The following CFAP299 variants were observed in gnomAD, a reference collection of about 807,000 sequenced individuals.
CFAP299 encodes the protein cilia and flagella associated protein 299.
Under a neutral mutation model 27.0 loss-of-function variants are expected in CFAP299, and 21 were observed. That is an observed-to-expected ratio of 0.78 (90% CI 0.55 to 1.12). The LOEUF (loss-of-function observed/expected upper bound fraction) is 1.12. Ranked by LOEUF, CFAP299 falls within the 50% of genes most tolerant of loss-of-function variation. The pLI is 0.00. For synonymous variants in CFAP299, 104 were observed against 98.1 expected (o/e 1.06, Z -0.36); for missense variants, 310 against 276.6 (o/e 1.12, Z -0.86).
chr4:80,919,591 G>A (rs1578238540), intron 4 of CFAP299, among the ~76,000 whole-genome samples: 1 of 152,112 alleles, frequency 6.6e-6, no homozygotes, highest in East Asian at 1.9e-4. Flanking sequence ...GTTTTCTTTT[G>A]AGTCCATGAC....
intron 3 of CFAP299, among the ~76,000 whole-genome samples, chr4:80,614,427 A>G (rs1166835106): frequency 6.6e-6 from 1 of 152,150 alleles, no homozygotes; most frequent in African/African-American, 2.4e-5. Flanking sequence ...AGGCACTTCT[A>G]TTGAAAAGGA....
chr4:80,781,304 TCA>T (rs941732653), intron 3 of CFAP299, among the ~76,000 whole-genome samples: 7 of 152,012 alleles, frequency 4.6e-5, no homozygotes, highest in Non-Finnish European at 7.4e-5. Flanking sequence ...GTTATAATAA[TCA>T]GTCACAATTT....
intron 2 of CFAP299, among the ~76,000 whole-genome samples, chr4:80,448,118 C>T (rs956151279): frequency 4.6e-5 from 7 of 152,202 alleles, no homozygotes; most frequent in Non-Finnish European, 7.3e-5. Context: ...CACTTCGTGG[C>T]AATATTGCAG....
intron 3 of CFAP299, among the ~76,000 whole-genome samples, chr4:80,693,457 A>T (rs1720876293): frequency 6.6e-6 from 1 of 150,710 alleles, no homozygotes; most frequent in Admixed American, 6.6e-5. Context: ...ACAAAAAACC[A>T]AACACCGCAT....
chr4:80,889,449 AG>A (rs919633339), intron 4 of CFAP299, among the ~76,000 whole-genome samples: 1 of 152,076 alleles, frequency 6.6e-6, no homozygotes, highest in African/African-American at 2.4e-5. Context: ...AAACCTCAAT[AG>A]ACCGATAATA....
chr4:80,738,506 GT>G (rs1035502469), intron 3 of CFAP299, among the ~76,000 whole-genome samples: 6 of 151,912 alleles, frequency 3.9e-5, no homozygotes, highest in Admixed American at 2.6e-4. Flanking sequence ...TCCTCTTATA[GT>G]TTTTTTCTTG....
intron 4 of CFAP299, among the ~76,000 whole-genome samples, chr4:80,913,203 C>G (rs1473487840): frequency 2.0e-5 from 3 of 152,054 alleles, no homozygotes; most frequent in Non-Finnish European, 4.4e-5. Flanking sequence ...TAGTATTTGA[C>G]AGTGAGTGAG....
At chr4:80,700,772 A>T (rs1348145961) in intron 3 of CFAP299, among the ~76,000 whole-genome samples, 1 of 152,116 alleles carries the variant, frequency 6.6e-6, no homozygotes, top group Non-Finnish European at 1.5e-5. Context: ...ATTACTTAAA[A>T]ATAATTTTTA....
intron 2 of CFAP299, chr4:80,386,579 T>A: frequency 6.3e-7 from 1 of 1,597,880 alleles, no homozygotes. Flanking sequence ...ACAGCGGTGA[T>A]CTTTGAGGTA....
intron 4 of CFAP299, among the ~76,000 whole-genome samples, chr4:80,938,027 T>C (rs1232876519): frequency 6.6e-6 from 1 of 152,212 alleles, no homozygotes; most frequent in African/African-American, 2.4e-5. Flanking sequence ...CTTCTCCCTC[T>C]ATTTTATGTA....
intron 3 of CFAP299, among the ~76,000 whole-genome samples, chr4:80,731,130 A>G (rs1723496803): frequency 2.0e-5 from 3 of 152,214 alleles, no homozygotes; most frequent in African/African-American, 7.2e-5. Flanking sequence ...CCTACTTTCC[A>G]TTTTGGAAAA....
intron 3 of CFAP299, among the ~76,000 whole-genome samples, chr4:80,761,919 C>G (rs1341138582): frequency 6.6e-6 from 1 of 151,780 alleles, no homozygotes; most frequent in Non-Finnish European, 1.5e-5. Flanking sequence ...AACACCAAAT[C>G]AATATAATTT....
chr4:80,341,039 G>C (rs1247795190), intron 1 of CFAP299, among the ~76,000 whole-genome samples: 1 of 152,172 alleles, frequency 6.6e-6, no homozygotes, highest in Non-Finnish European at 1.5e-5. Flanking sequence ...GCCTCCCAAA[G>C]TGCCAGGATT....
At chr4:80,436,285 A>C (rs1288537755) in intron 2 of CFAP299, among the ~76,000 whole-genome samples, 1 of 152,016 alleles carries the variant, frequency 6.6e-6, no homozygotes, top group African/African-American at 2.4e-5. Context: ...ATGGGTACAA[A>C]ATGTGGGATA....
chr4:80,331,768 G>A (rs920922665), upstream of CFAP299, among the ~76,000 whole-genome samples: 1 of 152,200 alleles, frequency 6.6e-6, no homozygotes, highest in Non-Finnish European at 1.5e-5. Flanking sequence ...CTGCTAGGCA[G>A]TTAGATATGT....
intron 3 of CFAP299, among the ~76,000 whole-genome samples, chr4:80,688,125 C>A (rs1720353616): frequency 6.6e-6 from 1 of 152,224 alleles, no homozygotes. Flanking sequence ...GGGCGCCCGC[C>A]ATTGCCCAGG....
intron 2 of CFAP299, among the ~76,000 whole-genome samples, chr4:80,378,189 A>G (rs1299321864): frequency 6.6e-6 from 1 of 152,144 alleles, no homozygotes; most frequent in Admixed American, 6.5e-5. Context: ...TTCATTTTTT[A>G]ATGCTCTTGT....
At chr4:80,566,596 T>C (rs1036894007) in intron 2 of CFAP299, among the ~76,000 whole-genome samples, 4 of 152,108 alleles carry the variant, frequency 2.6e-5, no homozygotes, top group African/African-American at 9.7e-5. Flanking sequence ...CCTCACTTGC[T>C]CGTGACCAGT....
intron 2 of CFAP299, among the ~76,000 whole-genome samples, chr4:80,465,601 A>G (rs1214012706): frequency 2.6e-5 from 4 of 152,204 alleles, no homozygotes; most frequent in African/African-American, 9.7e-5. Flanking sequence ...AACTCTTGCT[A>G]TATTATGAGA....
Sources: allele counts gnomAD v4.1 joint callset (sites outside exome capture counted in the v4.1 genomes callset), GRCh38; gene constraint gnomAD v4.1.1; transcripts MANE v1.5; gene names NCBI Gene and HGNC (gene_info 2026-07-23, HGNC 2026-07-21).